The following CADPS2 variants were observed in gnomAD, a reference collection of about 807,000 sequenced individuals.
CADPS2 encodes the protein calcium-dependent secretion activator 2.
In CADPS2, 93 loss-of-function variants were observed where a neutral mutation model predicts 172.5. The observed-to-expected ratio is 0.54, with a 90% confidence interval of 0.46 to 0.64. The LOEUF (loss-of-function observed/expected upper bound fraction) is 0.64, where lower values mean the gene tolerates loss of function less well. CADPS2 is among the 30% of genes least tolerant of loss of function. CADPS2 has a pLI of 0.00. For synonymous variants in CADPS2, 546 were observed against 555.2 expected (o/e 0.98, Z 0.23); for missense variants, 1,420 against 1,565.9 (o/e 0.91, Z 1.57).
chr7:122,767,761 A>G (rs1162831373), intron 1 of CADPS2, among the ~76,000 whole-genome samples: 1 of 152,138 alleles, frequency 6.6e-6, no homozygotes, highest in Non-Finnish European at 1.5e-5. Context: ...AGCTATTACT[A>G]ATTTGAAGAA....
intron 2 of CADPS2, among the ~76,000 whole-genome samples, chr7:122,692,595 C>T (rs553900876): frequency 5.9e-5 from 9 of 152,198 alleles, no homozygotes; most frequent in African/African-American, 9.6e-5. Flanking sequence ...GCCCATGCTG[C>T]GGCCACATAG....
chr7:122,369,040 A>G (rs954269217), intron 25 of CADPS2, among the ~76,000 whole-genome samples: 1 of 150,410 alleles, frequency 6.6e-6, no homozygotes, highest in African/African-American at 2.4e-5. Flanking sequence ...CATTTCTTGT[A>G]CCCTTTCCTT....
chr7:122,541,347 C>A (rs1328178005), intron 8 of CADPS2, among the ~76,000 whole-genome samples: 1 of 141,692 alleles, frequency 7.1e-6, no homozygotes, highest in East Asian at 2.1e-4. Flanking sequence ...CAGGCGCCCA[C>A]CACCACACCC....
At chr7:122,496,354 G>A (rs2058731494) in intron 9 of CADPS2, among the ~76,000 whole-genome samples, 1 of 152,040 alleles carries the variant, frequency 6.6e-6, no homozygotes, top group Admixed American at 6.6e-5. Context: ...GTATAGATGA[G>A]GTTTCACCAT....
At chr7:122,787,523 C>T (rs1794325679) in intron 1 of CADPS2, among the ~76,000 whole-genome samples, 1 of 152,148 alleles carries the variant, frequency 6.6e-6, no homozygotes, top group African/African-American at 2.4e-5. Context: ...GTCAGTTAGC[C>T]AACAGAGTTT....
At chr7:122,872,077 A>G (rs1181442785) in intron 1 of CADPS2, among the ~76,000 whole-genome samples, 1 of 152,112 alleles carries the variant, frequency 6.6e-6, no homozygotes, top group Non-Finnish European at 1.5e-5. Flanking sequence ...CTTTATTTGA[A>G]GGATCACAAA....
chr7:122,736,905 C>T (rs371274680), intron 2 of CADPS2, 50 bp downstream of exon 2: 3 of 940,212 alleles, frequency 3.2e-6, no homozygotes. Context: ...AATAATAAAA[C>T]TCCTTTTAAA....
At chr7:122,742,396 A>G (rs1356476861) in intron 1 of CADPS2, among the ~76,000 whole-genome samples, 1 of 152,128 alleles carries the variant, frequency 6.6e-6, no homozygotes, top group African/African-American at 2.4e-5. Context: ...ATCTCAAAAA[A>G]AAAAATTAAT....
At chr7:122,381,444 C>G (rs749968787) in intron 24 of CADPS2, among the ~76,000 whole-genome samples, 2 of 152,054 alleles carry the variant, frequency 1.3e-5, no homozygotes, top group Non-Finnish European at 2.9e-5. Context: ...ATGCCTTATC[C>G]CCAATGTTTT....
intron 6 of CADPS2, among the ~76,000 whole-genome samples, chr7:122,586,366 T>C (rs1414788487): frequency 6.6e-6 from 1 of 151,960 alleles, no homozygotes; most frequent in South Asian, 2.1e-4. Flanking sequence ...CCATGGTCTC[T>C]TACAGTAGCT....
At chr7:122,459,314 G>T (rs930187982) in intron 14 of CADPS2, among the ~76,000 whole-genome samples, 1 of 151,914 alleles carries the variant, frequency 6.6e-6, no homozygotes, top group Non-Finnish European at 1.5e-5. Flanking sequence ...CATAGATAGT[G>T]CTTCAATAAT....
At chr7:122,758,130 C>T (rs1007895785) in intron 1 of CADPS2, among the ~76,000 whole-genome samples, 1 of 152,158 alleles carries the variant, frequency 6.6e-6, no homozygotes, top group African/African-American at 2.4e-5. Flanking sequence ...TAGATACTAT[C>T]TTGATAAAAT....
chr7:122,326,448 T>A (rs2033892472), intron 28 of CADPS2, among the ~76,000 whole-genome samples: 1 of 152,096 alleles, frequency 6.6e-6, no homozygotes, highest in African/African-American at 2.4e-5. Context: ...ACAAATAACA[T>A]TTTTAAGGGA....
At chr7:122,732,789 T>C (rs945909488) in intron 2 of CADPS2, among the ~76,000 whole-genome samples, 7 of 142,874 alleles carry the variant, frequency 4.9e-5, no homozygotes, top group African/African-American at 7.7e-5. Flanking sequence ...GTATATAATA[T>C]ATATACATTA....
chr7:122,717,601 TA>T (rs1230916261), intron 2 of CADPS2, among the ~76,000 whole-genome samples: 1 of 152,084 alleles, frequency 6.6e-6, no homozygotes, highest in Non-Finnish European at 1.5e-5. Context: ...TTCAGGAGGG[TA>T]AACAACACTC....
At chr7:122,340,313 G>A (rs2036576327) in intron 28 of CADPS2, among the ~76,000 whole-genome samples, 1 of 152,130 alleles carries the variant, frequency 6.6e-6, no homozygotes, top group African/African-American at 2.4e-5. Flanking sequence ...TAATCTGCAT[G>A]ATTTACCAAT....
intron 1 of CADPS2, among the ~76,000 whole-genome samples, chr7:122,834,468 G>C (rs970039890): frequency 6.6e-5 from 10 of 152,124 alleles, no homozygotes; most frequent in African/African-American, 2.4e-4. Flanking sequence ...CACTGAGCGA[G>C]ATCCGAAGCA....
intron 25 of CADPS2, among the ~76,000 whole-genome samples, chr7:122,364,407 T>A (rs1371739434): frequency 2.9e-5 from 3 of 102,602 alleles, no homozygotes; most frequent in Admixed American, 2.3e-4. Context: ...AGACCCTGTC[T>A]CAAGTTAAAA....
rs374753602 is a variant in CADPS2, at chr7:122,761,607, T to G, written c.340-24539A>C. Among the ~76,000 whole-genome samples the G allele has an allele frequency of 1.2e-4, 19 of 152,164 alleles. No homozygotes were observed. The East Asian group carries it at 3.5e-3, about 28-fold the overall frequency. Reference sequence around the variant, plus strand: ...CAGGACGACAAAAACCACCACCCTATTCTTACTTTATCTGAAAAATAAAAT... The same window carrying G: ...CAGGACGACAAAAACCACCACCCTAGTCTTACTTTATCTGAAAAATAAAAT... On this transcript the variant is annotated intron_variant, in intron 1 of 29. Transcript: ENST00000449022.
Sources: gnomAD v4.1 joint callset for allele counts (sites outside exome capture counted in the v4.1 genomes callset) on GRCh38, gnomAD v4.1.1 for gene constraint, MANE v1.5 for transcripts, NCBI Gene and HGNC (gene_info 2026-07-23, HGNC 2026-07-21) for gene names.